IRX1: variants seen among roughly 807,000 people sequenced by gnomAD.
IRX1 encodes the protein iroquois homeobox 1, also known as iroquois-class homeodomain protein IRX-1.
In IRX1, 22 loss-of-function variants were observed where a neutral mutation model predicts 34.1. That is an observed-to-expected ratio of 0.64 (90% CI 0.46 to 0.92). The LOEUF (loss-of-function observed/expected upper bound fraction) is 0.92, where lower values mean the gene tolerates loss of function less well. IRX1 is among the 40% of genes least tolerant of loss of function. The pLI is 0.00. For missense variants in IRX1, 758 were observed against 680.0 expected (o/e 1.11, Z -1.28); for synonymous variants, 363 against 319.0 (o/e 1.14, Z -1.47).
chr5:3,599,158 CTCTCTCTCCCTT>C lies in IRX1; in HGVS notation c.277-57_277-46del, dbSNP rs1341905510. ...CCGTCTTGGGGACTCATGTCTCTCTCTCTCTCTCCCTTTCTCTCTCCACTTCCCTCCTCTCTC... is the reference window on the plus strand; with the variant it reads ...CCGTCTTGGGGACTCATGTCTCTCTCTCTCTCTCCACTTCCCTCCTCTCTC... On this transcript the variant is annotated intron_variant, in intron 1 of 3. Coordinates refer to ENST00000302006, the MANE Select transcript of IRX1 (RefSeq NM_024337.4). The surrounding 1 kb of genome is among the most constrained non-coding windows in gnomAD (Gnocchi z 6.6). 21 of 1,476,794 alleles carry C rather than the reference CTCTCTCTCCCTT, an allele frequency of 1.4e-5. No individual in the cohort carries two copies. The highest frequency in any genetic ancestry group is 1.7e-5 in the Non-Finnish European group (19 of 1,088,938). 91.5% of individuals were successfully genotyped at this position (1,476,794 alleles called of 1,614,324 possible).
At position 3,601,241 on chromosome 5, in the gene IRX1, G is replaced by C. The variant is rs1483038700; in HGVS notation, c.*201G>C. On this transcript the variant is annotated 3_prime_UTR_variant, in exon 4 of 4. Coordinates refer to ENST00000302006, the MANE Select transcript of IRX1 (RefSeq NM_024337.4). ...GCGTCCAGGTGGCCAGGCCTCTGCCGGCGGCTCCAGTGGCTGCGATTATCG... is the reference window on the plus strand; with the variant it reads ...GCGTCCAGGTGGCCAGGCCTCTGCCCGCGGCTCCAGTGGCTGCGATTATCG... 1.7e-6 allele frequency: 1 copy of C among 602,414 alleles called. No individual in the cohort carries two copies. Among genetic ancestry groups the C allele is most frequent in the African/African-American group, 1.9e-5 (1 of 53,884 alleles). The allele number at this position is 602,414 out of a possible 1,614,324, so 37.3% of individuals were successfully genotyped here. A position where few individuals can be genotyped will look rare whatever the true frequency, so the allele number is the denominator to read the frequency against.
intron 3 of IRX1, 58 bp from the exon 4 acceptor site, chr5:3,600,925 G>T (rs1417452898): frequency 5.2e-6 from 8 of 1,550,370 alleles, no homozygotes; most frequent in African/African-American, 1.4e-5. Context: ...GTCGCCCGGC[G>T]CTGCGTCCCC....
Position 3,599,757 on chromosome 5 carries a change from C to G in IRX1, c.809C>G (p.Ala270Gly). ...ALARDQGSPL[A>G]AADVLKPQDS... ...GCCCGGGACCAAGGCTCGCCGCTGGCAGCAGCCGACGTTCTCAAGCCCCAG... is the reference window on the plus strand; with the variant it reads ...GCCCGGGACCAAGGCTCGCCGCTGGGAGCAGCCGACGTTCTCAAGCCCCAG... The change falls in exon 2 of 4, where the codon GCA (alanine) becomes GGA (glycine). Residue 270 changes from alanine (A) to glycine (G), a missense_variant. This residue lies in a region of IRX1 where 529 missense variants were observed against 418.8 expected (regional missense o/e 1.26). Coordinates refer to ENST00000302006, the MANE Select transcript of IRX1 (RefSeq NM_024337.4). This position sits in a 1 kb window ranked among gnomAD's most constrained non-coding sequence, Gnocchi z 6.6. 2 of 1,609,664 alleles carry G rather than the reference C, an allele frequency of 1.2e-6. No individual in the cohort carries two copies. Among genetic ancestry groups the G allele is most frequent in the South Asian group, 2.2e-5 (2 of 90,838 alleles).
rs747449090 is a variant in IRX1, at chr5:3,599,303, C to A, written c.355C>A (p.Pro119Thr). The A allele has an allele frequency of 1.2e-6, 2 of 1,614,084 alleles. No homozygotes were observed. The highest frequency in any genetic ancestry group is 4.5e-5 in the East Asian group (2 of 44,852). Residue 119 changes from proline (P) to threonine (T), a missense_variant, in exon 2 of 4, where the codon CCC becomes ACC. By Grantham distance (38) the Pro-to-Thr change is conservative. This residue lies in a region of IRX1 where 195 missense variants were observed against 195.0 expected (regional missense o/e 1.00). Transcript: ENST00000302006. The surrounding 1 kb of genome is among the most constrained non-coding windows in gnomAD (Gnocchi z 6.6). Reference protein sequence around the residue: ...FAAHTAPAYYPYGQFQYGDPG... With the variant: ...FAAHTAPAYYTYGQFQYGDPG... The stretch of plus-strand genomic sequence containing the variant: ...AGCCCACACGGCGCCGGCTTATTAC[C>A]CCTACGGCCAGTTCCAATACGGGGA...
chr5:3,599,934 C>T lies in IRX1; in HGVS notation c.986C>T (p.Ala329Val), dbSNP rs779620437. 2.0e-6 allele frequency: 3 copies of T among 1,485,146 alleles called. No individual in the cohort carries two copies. The highest frequency in any genetic ancestry group is 2.7e-5 in the South Asian group (2 of 74,928). The allele number at this position is 1,485,146 out of a possible 1,614,324, so 92.0% of individuals were successfully genotyped here. Reference sequence around the variant, plus strand: ...GAGACAGCCACGAGCCCCGACGGTGCGCCCAAGGCTTCGCCACCACCACCC... The same window carrying T: ...GAGACAGCCACGAGCCCCGACGGTGTGCCCAAGGCTTCGCCACCACCACCC... Reference protein sequence around the residue: ...LAETATSPDGAPKASPPPPAG... With the variant: ...LAETATSPDGVPKASPPPPAG... Residue 329 changes from alanine (A) to valine (V), a missense_variant, in exon 2 of 4, where the codon GCG (alanine) becomes GTG (valine). Physicochemically the swap from Ala to Val is moderately conservative, Grantham distance 64. Coordinates refer to ENST00000302006, the MANE Select transcript of IRX1 (RefSeq NM_024337.4). The surrounding 1 kb of genome is among the most constrained non-coding windows in gnomAD (Gnocchi z 6.6).
At position 3,601,307 on chromosome 5, in the gene IRX1, C is replaced by G. The variant is rs546631669; in HGVS notation, c.*267C>G. The stretch of plus-strand genomic sequence containing the variant: ...CCCACGTGCTTGTGTCTCTTTCCCC[C>G]CTTTTCTGTATATAGAGTGGTTTCA... On this transcript the variant is annotated 3_prime_UTR_variant, in exon 4 of 4. Transcript: ENST00000302006. 104 of 540,126 alleles carry G rather than the reference C, an allele frequency of 1.9e-4. No individual in the cohort carries two copies. The highest frequency in any genetic ancestry group is 1.9e-3 in the African/African-American group (99 of 52,538). The allele number at this position is 540,126 out of a possible 1,614,324, so 33.5% of individuals were successfully genotyped here.
chr5:3,599,891 A>G lies in IRX1; in HGVS notation c.943A>G (p.Lys315Glu). 1 of 1,488,576 alleles carries G rather than the reference A, an allele frequency of 6.7e-7. No individual in the cohort carries two copies. Among genetic ancestry groups the G allele is most frequent in the Non-Finnish European group, 8.9e-7 (1 of 1,121,020 alleles). 92.2% of individuals were successfully genotyped at this position (1,488,576 alleles called of 1,614,324 possible). Residue 315 changes from lysine to glutamate, a missense_variant, in exon 2 of 4, where the codon AAG becomes GAG. By Grantham distance (56) the Lys-to-Glu change is moderately conservative. Coordinates refer to ENST00000302006, the MANE Select transcript of IRX1 (RefSeq NM_024337.4). This position sits in a 1 kb window ranked among gnomAD's most constrained non-coding sequence, Gnocchi z 6.6. ...GCAGGGTGCGCCGCACGGCAAGCCC[A>G]AGATCTGGTCGCTGGCGGAGACAGC... ...GLQGAPHGKP[K>E]IWSLAETATS...
chr5:3,596,448 GC>G (rs982784213), intron 1 of IRX1, 67 bp downstream of exon 1: 116 of 1,351,816 alleles, frequency 8.6e-5, no homozygotes, highest in Non-Finnish European at 1.1e-4. Flanking sequence ...GTGGCGGGTC[GC>G]CCGGGAGGGA....
At position 3,600,829 on chromosome 5, in the gene IRX1, C is replaced by A. The variant is rs976811327; in HGVS notation, c.1385+148C>A. The A allele has an allele frequency of 2.8e-5, 32 of 1,137,404 alleles. No homozygotes were observed. In the South Asian group the frequency reaches 3.0e-4, roughly 11 times the overall value. The allele number at this position is 1,137,404 out of a possible 1,614,324, so 70.5% of individuals were successfully genotyped here. ...CTCCCCGCCAGCCCTGGGCGCCGGG[C>A]GAGCCGAGGAGACTGGAGTTTCTCC... On this transcript the variant is annotated intron_variant, in intron 3 of 3. Transcript: ENST00000302006.
rs868174444 is a variant in IRX1 at position 3,599,549 on chromosome 5, G to A, written c.601G>A (p.Glu201Lys). 1 of 1,614,210 alleles carries A rather than the reference G, an allele frequency of 6.2e-7. No individual in the cohort carries two copies. The highest frequency in any genetic ancestry group is 8.5e-7 in the Non-Finnish European group (1 of 1,180,044). ...ATGGGGAGCGCGCAGCAAGGACCAGGAAGATGGAGCGCTCTTCGGCAGCGA... is the reference window on the plus strand; with the variant it reads ...ATGGGGAGCGCGCAGCAAGGACCAGAAAGATGGAGCGCTCTTCGGCAGCGA... Reference protein sequence around the residue: ...VTWGARSKDQEDGALFGSDTE... With the variant: ...VTWGARSKDQKDGALFGSDTE... Residue 201 changes from glutamate to lysine, a missense_variant, in exon 2 of 4, where the codon GAA (glutamate) becomes AAA (lysine). By Grantham distance (56) the Glu-to-Lys change is moderately conservative (BLOSUM62 1). This residue lies in a region of IRX1 where 529 missense variants were observed against 418.8 expected (regional missense o/e 1.26). Coordinates refer to ENST00000302006, the MANE Select transcript of IRX1 (RefSeq NM_024337.4). The surrounding 1 kb of genome is among the most constrained non-coding windows in gnomAD (Gnocchi z 6.6).
chr5:3,598,150 T>G (rs1368542999), intron 1 of IRX1, among the ~76,000 whole-genome samples: 1 of 152,208 alleles, frequency 6.6e-6, no homozygotes, highest in Non-Finnish European at 1.5e-5. Context: ...TTCCAAGCCA[T>G]TATAATTGGG....
intron 3 of IRX1, 65 bp from the exon 4 acceptor site, chr5:3,600,918 G>A: frequency 1.3e-6 from 2 of 1,529,416 alleles, no homozygotes; most frequent in East Asian, 2.3e-5. Context: ...AACCGGCGTC[G>A]CCCGGCGCTG....
At position 3,601,008 on chromosome 5, in the gene IRX1, C is replaced by G. The variant is rs773651098; in HGVS notation, c.1411C>G (p.Pro471Ala). The change falls in exon 4 of 4, where the codon CCG becomes GCG. Residue 471 changes from proline to alanine, a missense_variant. Physicochemically the swap from Pro to Ala is conservative, Grantham distance 27. This residue lies in a region of IRX1 where 529 missense variants were observed against 418.8 expected (regional missense o/e 1.26). Coordinates refer to ENST00000302006, the MANE Select transcript of IRX1 (RefSeq NM_024337.4). ...DNSLAPQEGT[P>A]RILAALPSA ...CTCTCTGGCCCCGCAGGAGGGAACG[C>G]CGCGGATCCTAGCAGCCCTCCCGTC... is the stretch of plus-strand genomic sequence containing the variant. 2 of 1,613,600 alleles carry G rather than the reference C, an allele frequency of 1.2e-6. No individual in the cohort carries two copies. Among genetic ancestry groups the G allele is most frequent in the Admixed American group, 1.7e-5 (1 of 60,004 alleles).
In IRX1 at chr5:3,599,516, A is replaced by C; in HGVS notation, c.568A>C (p.Lys190Gln). 1.2e-6 allele frequency: 2 copies of C among 1,614,174 alleles called. No homozygotes were observed. The highest frequency in any genetic ancestry group is 1.7e-5 in the Admixed American group (1 of 60,034). Residue 190 changes from lysine (K) to glutamine (Q), a missense_variant, in exon 2 of 4, where the codon AAG (lysine) becomes CAG (glutamine). By Grantham distance (53) the Lys-to-Gln change is moderately conservative. This residue lies in a region of IRX1 where 529 missense variants were observed against 418.8 expected (regional missense o/e 1.26). Coordinates refer to ENST00000302006, the MANE Select transcript of IRX1 (RefSeq NM_024337.4). This position sits in a 1 kb window ranked among gnomAD's most constrained non-coding sequence, Gnocchi z 6.6. The part of the protein sequence containing the change: ...NARRRLKKEN[K>Q]VTWGARSKDQ... ...GCGCCGGCGCCTCAAGAAGGAGAAC[A>C]AGGTGACATGGGGAGCGCGCAGCAA...
chr5:3,600,472 C>A, intron 2 of IRX1, 137 bp from the exon 3 acceptor site: 2 of 907,248 alleles, frequency 2.2e-6, no homozygotes, highest in South Asian at 1.7e-5. Context: ...GGGCCTGCTA[C>A]GGGGTGGTGG....
rs1199478198 is a variant in IRX1, at chr5:3,599,565, T to TCGG, written c.619_621dup (p.Gly207dup). On this transcript the variant is annotated inframe_insertion, in exon 2 of 4. Transcript: ENST00000302006. The surrounding 1 kb of genome is among the most constrained non-coding windows in gnomAD (Gnocchi z 6.6). ...AAGGACCAGGAAGATGGAGCGCTCT[T>TCGG]CGGCAGCGACACCGAGGGCGACCCG... is the stretch of plus-strand genomic sequence containing the variant. 1 of 1,613,590 alleles carries TCGG rather than the reference T, an allele frequency of 6.2e-7. No individual in the cohort carries two copies. Among genetic ancestry groups the TCGG allele is most frequent in the Non-Finnish European group, 8.5e-7 (1 of 1,179,946 alleles).
rs141212131 is a variant in IRX1 at position 3,599,686 on chromosome 5, G to A, written c.738G>A (p.Glu246=). The A allele has an allele frequency of 2.7e-4, 438 of 1,613,376 alleles. 2 individuals are homozygous for A. In the African/African-American group the frequency reaches 5.5e-3, roughly 20 times the overall value. The part of the protein sequence containing the change: ...HDGDQSNEDD[E]DKAEAPHAPA... ...GCGACCAGAGCAACGAGGATGACGAGGACAAGGCCGAGGCTCCGCACGCGC... is the reference window on the plus strand; with the variant it reads ...GCGACCAGAGCAACGAGGATGACGAAGACAAGGCCGAGGCTCCGCACGCGC... Residue 246 remains glutamate (E), a synonymous_variant, in exon 2 of 4, where the codon GAG becomes GAA. Transcript: ENST00000302006. The surrounding 1 kb of genome is among the most constrained non-coding windows in gnomAD (Gnocchi z 6.6).
chr5:3,597,604 A>G (rs1733819452), intron 1 of IRX1, among the ~76,000 whole-genome samples: 1 of 152,190 alleles, frequency 6.6e-6, no homozygotes, highest in South Asian at 2.1e-4. Context: ...ACGCGATGAG[A>G]GATTTACAAG....
At chr5:3,596,538 C>A (rs1743701860) in intron 1 of IRX1, among the ~76,000 whole-genome samples, 157 bp downstream of exon 1, 2 of 151,728 alleles carry the variant, frequency 1.3e-5, no homozygotes, top group Admixed American at 6.5e-5. Flanking sequence ...GGCCGCGGCC[C>A]CCGGGGACGC....
Sources: allele counts gnomAD v4.1 joint callset (sites outside exome capture counted in the v4.1 genomes callset), GRCh38; gene constraint gnomAD v4.1.1; regional missense constraint gnomAD v4.1.1; non-coding constraint Gnocchi (gnomAD v3.1); transcripts MANE v1.5; gene names NCBI Gene and HGNC (gene_info 2026-07-23, HGNC 2026-07-21).